The following TEX2 variants were observed in gnomAD, a reference collection of about 807,000 sequenced individuals.
TEX2 encodes the protein testis expressed 2.
In TEX2, 53 loss-of-function variants were observed where a neutral mutation model predicts 106.9. The ratio of observed to expected loss-of-function variants is 0.50; its 90% CI spans 0.40 to 0.62. TEX2 has a LOEUF of 0.62. Among genes scored for constraint, TEX2 ranks in the 20% least tolerant of loss-of-function variants. The probability of loss-of-function intolerance (pLI) is 0.00; values close to 1 mark genes in which losing one functional copy is unlikely to be tolerated. For synonymous variants in TEX2, 523 were observed against 534.8 expected, an observed-to-expected ratio of 0.98 and a Z score of 0.30; for missense variants, 1,207 against 1,379.0, an observed-to-expected ratio of 0.88 and a Z score of 1.98.
At chr17:64,227,224 CAA>C (rs35266239) in intron 1 of TEX2, among the ~76,000 whole-genome samples, 14 of 125,092 alleles carry the variant, frequency 1.1e-4, no homozygotes, top group Admixed American at 2.4e-4. Context: ...GACTCCGTAT[CAA>C]AAAAAAAAAA....
rs2032816214 is a variant in TEX2, at chr17:64,205,992, CT to C, written c.1644+6581del. 6.6e-6 allele frequency among the ~76,000 whole-genome samples: 1 copy of C among 152,182 alleles called. No individual in the cohort carries two copies. Among genetic ancestry groups the C allele is most frequent in the Non-Finnish European group, 1.5e-5 (1 of 68,044 alleles). On this transcript the variant is annotated intron_variant, in intron 2 of 11. Transcript: ENST00000584379. This position sits in a 1 kb window ranked among gnomAD's most constrained non-coding sequence, Gnocchi z 4.0. The stretch of plus-strand genomic sequence containing the variant: ...TATACTCAAACATAAATCCAAGACC[CT>C]TATGAAATCTTCAGGAAGCTTTTCA...
At chr17:64,234,726 A>C (rs960923035) in intron 1 of TEX2, among the ~76,000 whole-genome samples, 6 of 152,196 alleles carry the variant, frequency 3.9e-5, no homozygotes, top group Admixed American at 6.5e-5. Flanking sequence ...ACAGCACAGG[A>C]ACATCATAAT....
At position 64,213,694 on chromosome 17, in the gene TEX2, G is replaced by C. The variant is rs548447866; in HGVS notation, c.524C>G (p.Ser175Cys). ...GGAAAGGGTGGAGGTTGAGGCACTG[G>C]ATGAGAGGATGGGAGACTTAGAAGG... Reference protein sequence around the residue: ...SSPSKSPILSSSASTSTLSSA... With the variant: ...SSPSKSPILSCSASTSTLSSA... The change falls in exon 2 of 12, where the codon TCC (serine) becomes TGC (cysteine). Residue 175 changes from serine (S) to cysteine (C), a missense_variant. Around this residue, in one of 3 missense-constraint regions of TEX2, gnomAD observed 1,067 missense variants for 1,193.6 expected, o/e 0.89. Transcript: ENST00000584379. This position sits in a 1 kb window ranked among gnomAD's most constrained non-coding sequence, Gnocchi z 4.4. 6.2e-7 allele frequency: 1 copy of C among 1,614,184 alleles called. No homozygotes were observed. The highest frequency in any genetic ancestry group is 1.3e-5 in the African/African-American group (1 of 75,040).
At position 64,212,751 on chromosome 17, in the gene TEX2, G is replaced by A; in HGVS notation, c.1467C>T (p.Leu489=). Reference sequence around the variant, plus strand: ...GTCCACTCACATAGTGGGGGAGGGGGAGGATGAGGTACACATAGACACACA... The same window carrying A: ...GTCCACTCACATAGTGGGGGAGGGGAAGGATGAGGTACACATAGACACACA... The part of the protein sequence containing the change: ...FIMCVYVYLI[L]PLPHYVSGLF... The change falls in exon 2 of 12, where the codon CTC becomes CTT. Residue 489 remains leucine (L), a synonymous_variant. Coordinates refer to ENST00000584379, the MANE Select transcript of TEX2 (RefSeq NM_001288732.2). 1 of 1,614,164 alleles carries A rather than the reference G, an allele frequency of 6.2e-7. No homozygotes were observed. The highest frequency in any genetic ancestry group is 8.5e-7 in the Non-Finnish European group (1 of 1,180,026).
chr17:64,260,701 C>G (rs1329666367), intron 1 of TEX2, among the ~76,000 whole-genome samples: 1 of 152,176 alleles, frequency 6.6e-6, no homozygotes, highest in African/African-American at 2.4e-5. Context: ...GCTCTCTTTT[C>G]TATACTAGTC....
At chr17:64,229,590 G>A (rs569884631) in intron 1 of TEX2, among the ~76,000 whole-genome samples, 2 of 151,704 alleles carry the variant, frequency 1.3e-5, no homozygotes, top group East Asian at 3.9e-4. Flanking sequence ...ACAGCTTCCT[G>A]ATGAAGCCTT....
rs2030162510 is a variant in TEX2 at position 64,148,340 on chromosome 17, ATGT to A, written c.*626_*628del. ...TGGTTTGATCTCATGGCTTTGCCTGATGTTCACATAAATCCCACTGTCCTTACC... is the reference window on the plus strand; with the variant it reads ...TGGTTTGATCTCATGGCTTTGCCTGATCACATAAATCCCACTGTCCTTACC... On this transcript the variant is annotated 3_prime_UTR_variant, in exon 12 of 12. Coordinates refer to ENST00000584379, the MANE Select transcript of TEX2 (RefSeq NM_001288732.2). 6.6e-6 allele frequency: 1 copy of A among 152,658 alleles called. No individual in the cohort carries two copies. The highest frequency in any genetic ancestry group is 1.5e-5 in the Non-Finnish European group (1 of 68,070). The allele number at this position is 152,658 out of a possible 1,614,324, so 9.5% of individuals were successfully genotyped here.
Position 64,205,839 on chromosome 17 carries a change from A to G in TEX2, c.1644+6735T>C, listed in dbSNP as rs782311557. 1.3e-5 allele frequency among the ~76,000 whole-genome samples: 2 copies of G among 152,206 alleles called. No homozygotes were observed. Among genetic ancestry groups the G allele is most frequent in the African/African-American group, 2.4e-5 (1 of 41,442 alleles). ...ATAATTTTAGTCAAACTTGCAGGCC[A>G]TATCTTTAAAAAAGAGATGGATTAT... On this transcript the variant is annotated intron_variant, in intron 2 of 11. Coordinates refer to ENST00000584379, the MANE Select transcript of TEX2 (RefSeq NM_001288732.2). The surrounding 1 kb of genome is among the most constrained non-coding windows in gnomAD (Gnocchi z 4.0).
rs1051833165 is a variant in TEX2, at chr17:64,195,179, G to C, written c.1645-84C>G. On this transcript the variant is annotated intron_variant, in intron 2 of 11. Transcript: ENST00000584379. The surrounding 1 kb of genome is among the most constrained non-coding windows in gnomAD (Gnocchi z 4.1). ...GAAATGATGAACACTGTGGTATTTG[G>C]GACACTGAAACCAAACTTGATCACG... 2.2e-6 allele frequency: 3 copies of C among 1,348,140 alleles called. No individual in the cohort carries two copies. In the African/African-American group the frequency reaches 4.3e-5, roughly 20 times the overall value. The allele number at this position is 1,348,140 out of a possible 1,614,324, so 83.5% of individuals were successfully genotyped here. A position where few individuals can be genotyped will look rare whatever the true frequency, so the allele number is the denominator to read the frequency against.
At chr17:64,211,771 C>A (rs1172579033) in intron 2 of TEX2, among the ~76,000 whole-genome samples, 6 of 152,196 alleles carry the variant, frequency 3.9e-5, no homozygotes, top group Non-Finnish European at 7.4e-5. Flanking sequence ...ATATAACTTA[C>A]AAACTATATA....
At chr17:64,202,155 G>A (rs1434156007) in intron 2 of TEX2, among the ~76,000 whole-genome samples, 1 of 152,206 alleles carries the variant, frequency 6.6e-6, no homozygotes, top group Non-Finnish European at 1.5e-5. Flanking sequence ...TTTCAGGACA[G>A]AAATCGGATG....
At chr17:64,158,982 A>C (rs530549641) in intron 8 of TEX2, among the ~76,000 whole-genome samples, 1 of 152,374 alleles carries the variant, frequency 6.6e-6, no homozygotes, top group East Asian at 1.9e-4. Flanking sequence ...AATATAAGTG[A>C]AATATAATAC....
At chr17:64,175,886 T>G (rs1034615382) in intron 6 of TEX2, among the ~76,000 whole-genome samples, 2 of 152,180 alleles carry the variant, frequency 1.3e-5, no homozygotes, top group African/African-American at 4.8e-5. Context: ...GGGCTCGAGA[T>G]AGACCCTGGG....
chr17:64,238,814 C>T (rs1204729001), intron 1 of TEX2, among the ~76,000 whole-genome samples: 1 of 152,160 alleles, frequency 6.6e-6, no homozygotes, highest in African/African-American at 2.4e-5. Context: ...CCATATCAAC[C>T]AGGCAGCAAA....
chr17:64,225,690 C>T (rs1042554625), intron 1 of TEX2, among the ~76,000 whole-genome samples: 4 of 151,012 alleles, frequency 2.6e-5, no homozygotes, highest in African/African-American at 7.3e-5. Flanking sequence ...CAAAACAACA[C>T]ATTTTTCTTT....
intron 1 of TEX2, among the ~76,000 whole-genome samples, chr17:64,253,540 G>A (rs1256452034): frequency 6.6e-6 from 1 of 152,032 alleles, no homozygotes; most frequent in African/African-American, 2.4e-5. Flanking sequence ...GTAGATGAGG[G>A]CAGGTCAGTG....
In TEX2 at chr17:64,164,247, G is replaced by C. The variant is rs528011261; in HGVS notation, c.2672-3314C>G. On this transcript the variant is annotated intron_variant, in intron 7 of 11. Transcript: ENST00000584379. The stretch of plus-strand genomic sequence containing the variant: ...GAGGCCAGGAGTTCAAGACCAGCCT[G>C]GCCATCATGGTGAAACCTCGTCTCT... Among the ~76,000 whole-genome samples the C allele has an allele frequency of 3.3e-5, 5 of 152,180 alleles. No individual in the cohort carries two copies. In the South Asian group the frequency reaches 1.0e-3, roughly 32 times the overall value.
chr17:64,220,445 G>A (rs957620811), intron 1 of TEX2, among the ~76,000 whole-genome samples: 2 of 152,060 alleles, frequency 1.3e-5, no homozygotes, highest in Non-Finnish European at 2.9e-5. Flanking sequence ...GAAAATTTTT[G>A]TAATCTATCC....
At chr17:64,158,534 G>T (rs1005467450) in intron 8 of TEX2, among the ~76,000 whole-genome samples, 1 of 152,302 alleles carries the variant, frequency 6.6e-6, no homozygotes, top group Non-Finnish European at 1.5e-5. Context: ...AAGGTCACAC[G>T]CTTCAAACAG....
Sources: allele counts gnomAD v4.1 joint callset (sites outside exome capture counted in the v4.1 genomes callset), GRCh38; gene constraint gnomAD v4.1.1; regional missense constraint gnomAD v4.1.1; non-coding constraint Gnocchi (gnomAD v3.1); transcripts MANE v1.5; gene names NCBI Gene and HGNC (gene_info 2026-07-23, HGNC 2026-07-21).